The following ABCD3 variants were observed in gnomAD, a reference collection of about 807,000 sequenced individuals.
The protein encoded by ABCD3 is ATP binding cassette subfamily D member 3, also known as ATP-binding cassette sub-family D member 3.
Under a neutral mutation model 105.5 loss-of-function variants are expected in ABCD3, and 41 were observed. The ratio of observed to expected loss-of-function variants is 0.39; its 90% confidence interval spans 0.30 to 0.50. ABCD3 has a LOEUF of 0.50. Among genes scored for constraint, ABCD3 ranks in the 20% least tolerant of loss-of-function variants. The pLI, the probability that ABCD3 is intolerant of heterozygous loss-of-function variation, is 0.84. For synonymous variants in ABCD3, 258 were observed against 269.0 expected, an observed-to-expected ratio of 0.96 and a Z score of 0.40; for missense variants, 622 against 806.3, an observed-to-expected ratio of 0.77 and a Z score of 2.77.
At chr1:94,479,498 ATAAG>A (rs1472129168) in intron 8 of ABCD3, among the ~76,000 whole-genome samples, 2 of 152,086 alleles carry the variant, frequency 1.3e-5, no homozygotes, top group Non-Finnish European at 2.9e-5. Flanking sequence ...GAATAAAAAG[ATAAG>A]TAAGACACAA....
chr1:94,420,873 A>T (rs1396374873), intron 1 of ABCD3, among the ~76,000 whole-genome samples: 1 of 152,126 alleles, frequency 6.6e-6, no homozygotes, highest in Non-Finnish European at 1.5e-5. Flanking sequence ...TCTTTTGTCT[A>T]TGTTGTTAAT....
chr1:94,494,331 T>C (rs1410380052), intron 16 of ABCD3, among the ~76,000 whole-genome samples: 1 of 152,202 alleles, frequency 6.6e-6, no homozygotes, highest in East Asian at 1.9e-4. Context: ...GTGTTTATCC[T>C]GTGATTCTTG....
intron 9 of ABCD3, chr1:94,482,517 C>T (rs1002456760): frequency 6.6e-6 from 1 of 152,374 alleles, no homozygotes; most frequent in Non-Finnish European, 1.5e-5. Context: ...GACCTGCTGG[C>T]TCTGCAACCT....
intron 1 of ABCD3, among the ~76,000 whole-genome samples, chr1:94,452,105 A>G (rs2100941736): frequency 6.6e-6 from 1 of 152,288 alleles, no homozygotes; most frequent in East Asian, 1.9e-4. Flanking sequence ...CAGGGTCACC[A>G]TGTAATTTAT....
the ABCD3 span, among the ~76,000 whole-genome samples, chr1:94,399,592 C>T: frequency 6.6e-6 from 1 of 152,202 alleles, no homozygotes; most frequent in Non-Finnish European, 1.5e-5. Flanking sequence ...AGGTGGAACC[C>T]AGACTCATGA....
chr1:94,440,487 T>C (rs1045869788), intron 1 of ABCD3, among the ~76,000 whole-genome samples: 10 of 152,198 alleles, frequency 6.6e-5, no homozygotes, highest in Non-Finnish European at 1.3e-4. Flanking sequence ...GGGTCCAGGC[T>C]GCTCCAAGCC....
intron 1 of ABCD3, among the ~76,000 whole-genome samples, chr1:94,443,123 A>T (rs1285757519): frequency 6.6e-6 from 1 of 152,112 alleles, no homozygotes; most frequent in Non-Finnish European, 1.5e-5. Context: ...CCTTGCCAAC[A>T]TCTGTTGTTT....
At position 94,454,807 on chromosome 1, in the gene ABCD3, A is replaced by G. The variant is rs187913176; in HGVS notation, c.111-3800A>G. On this transcript the variant is annotated intron_variant, in intron 1 of 22. Coordinates refer to ENST00000370214, the MANE Select transcript of ABCD3 (RefSeq NM_002858.4). The stretch of plus-strand genomic sequence containing the variant: ...GCTGGGATTACAGATGTACACCACC[A>G]TGCCCAGCTAATTTTTATATTTTTA... Among the ~76,000 whole-genome samples, 791 of 152,174 alleles carry G rather than the reference A, an allele frequency of 5.2e-3. 8 individuals are homozygous for G. The highest frequency in any genetic ancestry group is 0.018 in the African/African-American group (745 of 41,508).
chr1:94,418,462 C>G lies in ABCD3; in HGVS notation c.-17C>G, dbSNP rs747261432. The stretch of plus-strand genomic sequence containing the variant: ...GCCGCCGCGTCCCCTCGCCGGCTCG[C>G]TGGTACCGGCAGTGCCATGGCGGCC... On this transcript the variant is annotated 5_prime_UTR_variant, in exon 1 of 23. Coordinates refer to ENST00000370214, the MANE Select transcript of ABCD3 (RefSeq NM_002858.4). The G allele has an allele frequency of 3.0e-5, 48 of 1,586,796 alleles. No homozygotes were observed. The African/African-American group carries it at 6.0e-4, about 20-fold the overall frequency.
intron 21 of ABCD3, among the ~76,000 whole-genome samples, chr1:94,509,506 A>G (rs533880442): frequency 2.6e-5 from 4 of 152,286 alleles, no homozygotes; most frequent in East Asian, 1.9e-4. Flanking sequence ...GCCTCATGAA[A>G]TGAGTTAGGG....
At chr1:94,480,177 T>C (rs1443918091) in intron 8 of ABCD3, 2 of 443,882 alleles carry the variant, frequency 4.5e-6, no homozygotes, top group Non-Finnish European at 8.2e-6. Context: ...AGGAGAGTGT[T>C]AGATAACATA....
intron 20 of ABCD3, among the ~76,000 whole-genome samples, chr1:94,503,406 A>T (rs919911991): frequency 1.3e-5 from 2 of 152,114 alleles, no homozygotes; most frequent in African/African-American, 4.8e-5. Flanking sequence ...CTTGGAGGAT[A>T]TGTCATCCTT....
chr1:94,514,894 A>G (rs1650852283), intron 21 of ABCD3: 2 of 462,672 alleles, frequency 4.3e-6, no homozygotes, highest in African/African-American at 3.9e-5. Flanking sequence ...GAGACATGAT[A>G]GGAGATATGT....
At chr1:94,454,844 G>T (rs1327295568) in intron 1 of ABCD3, among the ~76,000 whole-genome samples, 1 of 152,080 alleles carries the variant, frequency 6.6e-6, no homozygotes, top group Non-Finnish European at 1.5e-5. Flanking sequence ...TAGAGACAGG[G>T]TTTTGCCATG....
chr1:94,418,465 G>T lies in ABCD3; in HGVS notation c.-14G>T. The stretch of plus-strand genomic sequence containing the variant: ...GCCGCGTCCCCTCGCCGGCTCGCTG[G>T]TACCGGCAGTGCCATGGCGGCCTTC... On this transcript the variant is annotated 5_prime_UTR_variant, in exon 1 of 23. Coordinates refer to ENST00000370214, the MANE Select transcript of ABCD3 (RefSeq NM_002858.4). 1 of 1,589,168 alleles carries T rather than the reference G, an allele frequency of 6.3e-7. No homozygotes were observed.
At chr1:94,477,139 A>G (rs1648784062) in intron 7 of ABCD3, among the ~76,000 whole-genome samples, 1 of 150,958 alleles carries the variant, frequency 6.6e-6, no homozygotes, top group Non-Finnish European at 1.5e-5. Context: ...TTGACCTCCA[A>G]CTTAAATTAT....
intron 20 of ABCD3, among the ~76,000 whole-genome samples, chr1:94,501,620 C>T (rs563441726): frequency 3.5e-4 from 54 of 152,194 alleles, no homozygotes; most frequent in Non-Finnish European, 6.3e-4. Flanking sequence ...CCACTTAGAA[C>T]AGTGAGTCAG....
chr1:94,397,035 G>C, the ABCD3 span, among the ~76,000 whole-genome samples: 1 of 152,116 alleles, frequency 6.6e-6, no homozygotes, highest in East Asian at 1.9e-4. Flanking sequence ...ATTTCAGGAT[G>C]CAAAAATAAA....
At chr1:94,463,963 T>A (rs545106239) in intron 2 of ABCD3, among the ~76,000 whole-genome samples, 17 of 152,298 alleles carry the variant, frequency 1.1e-4, no homozygotes, top group African/African-American at 3.4e-4. Context: ...TTGTGCTCGT[T>A]GTTCCTTGTG....
Sources: gnomAD v4.1 joint callset for allele counts (sites outside exome capture counted in the v4.1 genomes callset) on GRCh38, gnomAD v4.1.1 for gene constraint, MANE v1.5 for transcripts, NCBI Gene and HGNC (gene_info 2026-07-23, HGNC 2026-07-21) for gene names.